Variants in EDEM1 observed in about 807,000 individuals in gnomAD.
The protein encoded by EDEM1 is ER degradation-enhancing alpha-mannosidase-like protein 1.
A neutral mutation model predicts 74.4 loss-of-function variants in EDEM1; 67 were observed. That is an observed-to-expected ratio of 0.90 (90% CI 0.74 to 1.10). EDEM1 has a LOEUF of 1.10. Ranked by LOEUF, EDEM1 falls within the 50% of genes least tolerant of loss-of-function variation. The pLI is 0.00. For missense variants in EDEM1, 926 were observed against 851.6 expected (o/e 1.09, Z -1.09); for synonymous variants, 382 against 335.9 (o/e 1.14, Z -1.50).
At position 5,188,012 on chromosome 3, in the gene EDEM1, G is replaced by T. The variant is rs1269446538; in HGVS notation, c.207G>T (p.Pro69=). 6 of 1,480,112 alleles carry T rather than the reference G, an allele frequency of 4.1e-6. No homozygotes were observed. Among genetic ancestry groups the T allele is most frequent in the Non-Finnish European group, 5.4e-6 (6 of 1,119,090 alleles). 91.7% of individuals were successfully genotyped at this position (1,480,112 alleles called of 1,614,324 possible). Residue 69 remains proline (P), a synonymous_variant, in exon 1 of 12, where the codon CCG becomes CCT. Coordinates refer to ENST00000256497, the MANE Select transcript of EDEM1 (RefSeq NM_014674.3). ...PVGRPGGVSG[P]SWLQPPGTGA... is the part of the protein sequence containing the mutation. ...GCCGGCCTGGGGGGGTATCCGGGCC[G>T]TCGTGGCTGCAGCCGCCGGGGACCG...
rs1420033512 is a variant in EDEM1 at position 5,218,111 on chromosome 3, C to T, written c.*2193C>T. The T allele has an allele frequency of 6.6e-6, 1 of 152,224 alleles. No homozygotes were observed. The highest frequency in any genetic ancestry group is 1.5e-5 in the Non-Finnish European group (1 of 68,064). The allele number at this position is 152,224 out of a possible 1,614,324, so 9.4% of individuals were successfully genotyped here. A position where few individuals can be genotyped will look rare whatever the true frequency, so the allele number is the denominator to read the frequency against. ...CATGCTTGCAAACTACACAATGCTG[C>T]AGGTGCTTCCCAGGGGCCACAGGCT... On this transcript the variant is annotated 3_prime_UTR_variant, in exon 12 of 12. Coordinates refer to ENST00000256497, the MANE Select transcript of EDEM1 (RefSeq NM_014674.3).
At position 5,210,251 on chromosome 3, in the gene EDEM1, CA is replaced by C. The variant is rs771609449; in HGVS notation, c.1583+4del. On this transcript the variant is annotated splice_donor_region_variant and intron_variant, in intron 9 of 11. Coordinates refer to ENST00000256497, the MANE Select transcript of EDEM1 (RefSeq NM_014674.3). Reference sequence around the variant, plus strand: ...CTGGAAAAGTACACAAAAGTCAAGTCAGTTTTCTAAGTTCCTACCTTTTTCT... The same window carrying C: ...CTGGAAAAGTACACAAAAGTCAAGTCGTTTTCTAAGTTCCTACCTTTTTCT... 8.1e-6 allele frequency: 13 copies of C among 1,613,344 alleles called. No homozygotes were observed.
rs1419134266 is a variant in EDEM1 at position 5,187,912 on chromosome 3, G to T, written c.107G>T (p.Arg36Leu). The T allele has an allele frequency of 6.3e-7, 1 of 1,597,234 alleles. No homozygotes were observed. The highest frequency in any genetic ancestry group is 1.7e-5 in the Admixed American group (1 of 58,332). The change falls in exon 1 of 12, where the codon CGC becomes CTC. Residue 36 changes from arginine to leucine, a missense_variant. Arg to Leu is a moderately radical substitution (Grantham distance 102). Coordinates refer to ENST00000256497, the MANE Select transcript of EDEM1 (RefSeq NM_014674.3). Reference sequence around the variant, plus strand: ...GGGCCCAGCATGGGCTTCTACCAGCGCTTTCCGCTCAGCTTCGGCTTCCAG... The same window carrying T: ...GGGCCCAGCATGGGCTTCTACCAGCTCTTTCCGCTCAGCTTCGGCTTCCAG... ...GLGPSMGFYQ[R>L]FPLSFGFQRL...
intron 6 of EDEM1, 33 bp from the exon 7 acceptor site, chr3:5,207,120 T>G: frequency 6.2e-7 from 1 of 1,611,900 alleles, no homozygotes; most frequent in Non-Finnish European, 8.5e-7. Flanking sequence ...TGAGCTTTCT[T>G]TTCACCACTG....
Position 5,194,285 on chromosome 3 carries a change from T to A in EDEM1, c.510-924T>A, listed in dbSNP as rs113217948. Among the ~76,000 whole-genome samples, 421 of 152,378 alleles carry A rather than the reference T, an allele frequency of 2.8e-3. 2 individuals carry two copies. Among genetic ancestry groups the A allele is most frequent in the African/African-American group, 9.7e-3 (403 of 41,594 alleles). ...TTATGTCTTCTCTTACTATCATTTT[T>A]TCCAAGCTTCTGCACTTATTTTCTG... On this transcript the variant is annotated intron_variant, in intron 1 of 11. Transcript: ENST00000256497.
intron 10 of EDEM1, 77 bp downstream of exon 10, chr3:5,211,293 A>G (rs1018326177): frequency 7.2e-7 from 1 of 1,383,618 alleles, no homozygotes; most frequent in South Asian, 1.2e-5. Context: ...TCCATCTGAC[A>G]GGTACTTACT....
intron 11 of EDEM1, among the ~76,000 whole-genome samples, chr3:5,214,245 A>G (rs1266091453): frequency 1.3e-5 from 2 of 152,184 alleles, no homozygotes; most frequent in African/African-American, 4.8e-5. Flanking sequence ...GGATAGGGAA[A>G]TGTAGGTCAG....
At chr3:5,197,064 CTTTT>C (rs34982467) in intron 2 of EDEM1, among the ~76,000 whole-genome samples, 8 of 115,638 alleles carry the variant, frequency 6.9e-5, no homozygotes, top group Non-Finnish European at 9.1e-5. Flanking sequence ...GAGTAGCTGG[CTTTT>C]TTTTTTTTTT....
rs542244374 is a variant in EDEM1 at position 5,192,737 on chromosome 3, G to GT, written c.510-2463dup. On this transcript the variant is annotated intron_variant, in intron 1 of 11. Transcript: ENST00000256497. ...TGTTAGGCCAGTAGAGTTTTATGGT[G>GT]TTTTTTTTTCTTCCTTCATCCTCAC... Among the ~76,000 whole-genome samples the GT allele has an allele frequency of 1.9e-4, 29 of 151,278 alleles. No individual in the cohort carries two copies. The East Asian group carries it at 4.3e-3, about 22-fold the overall frequency.
chr3:5,195,875 A>T (rs1351655409), intron 2 of EDEM1, among the ~76,000 whole-genome samples: 1 of 152,256 alleles, frequency 6.6e-6, no homozygotes, highest in African/African-American at 2.4e-5. Context: ...AGATATGCAG[A>T]AGCACCTTGA....
intron 2 of EDEM1, 78 bp from the exon 3 acceptor site, chr3:5,199,514 C>CCG: frequency 9.9e-7 from 1 of 1,013,524 alleles, no homozygotes. Context: ...ATTTAGGTGA[C>CCG]GTGACTGGGC....
At position 5,213,447 on chromosome 3, in the gene EDEM1, A is replaced by G. The variant is rs773790240; in HGVS notation, c.1809A>G (p.Gly603=). 6.2e-7 allele frequency: 1 copy of G among 1,614,186 alleles called. No homozygotes were observed. The highest frequency in any genetic ancestry group is 8.5e-7 in the Non-Finnish European group (1 of 1,180,030). ...LPWKEFFSEE[G]GQDQGGKSVH... The stretch of plus-strand genomic sequence containing the variant: ...GGAAGGAATTCTTCTCTGAAGAGGG[A>G]GGGCAGGACCAAGGGGGAAAGTCTG... The change falls in exon 11 of 12, where the codon GGA becomes GGG. Residue 603 remains glycine, a synonymous_variant. Coordinates refer to ENST00000256497, the MANE Select transcript of EDEM1 (RefSeq NM_014674.3).
rs2054848360 is a variant in EDEM1 at position 5,188,052 on chromosome 3, C to A, written c.247C>A (p.Pro83Thr). 2 of 1,433,614 alleles carry A rather than the reference C, an allele frequency of 1.4e-6. No individual in the cohort carries two copies. Among genetic ancestry groups the A allele is most frequent in the Non-Finnish European group, 1.8e-6 (2 of 1,096,058 alleles). The allele number at this position is 1,433,614 out of a possible 1,614,324, so 88.8% of individuals were successfully genotyped here. ...GCCGGGGACCGGGGCAGCGCAGAGC[C>A]CGCGCAAGGCTCCGCGGCGTCCTGG... The part of the protein sequence containing the change: ...QPPGTGAAQS[P>T]RKAPRRPGPG... The change falls in exon 1 of 12, where the codon CCG becomes ACG. Residue 83 changes from proline (P) to threonine (T), a missense_variant. By Grantham distance (38) the Pro-to-Thr change is conservative. Coordinates refer to ENST00000256497, the MANE Select transcript of EDEM1 (RefSeq NM_014674.3).
intron 7 of EDEM1, 144 bp downstream of exon 7, chr3:5,207,417 T>C (rs2055112138): frequency 8.3e-7 from 1 of 1,206,352 alleles, no homozygotes; most frequent in Admixed American, 2.4e-5. Context: ...CATCTCTCTG[T>C]TTGAGAAATT....
At position 5,188,208 on chromosome 3, in the gene EDEM1, C is replaced by G; in HGVS notation, c.403C>G (p.Arg135Gly). 1 of 1,582,878 alleles carries G rather than the reference C, an allele frequency of 6.3e-7. No homozygotes were observed. Residue 135 changes from arginine to glycine, a missense_variant, in exon 1 of 12, where the codon CGG (arginine) becomes GGG (glycine). Coordinates refer to ENST00000256497, the MANE Select transcript of EDEM1 (RefSeq NM_014674.3). ...QLRAQMRDLA[R>G]GMFVFGYDNY... ...GCGTGCCCAGATGCGCGACCTGGCA[C>G]GGGGCATGTTCGTCTTTGGCTACGA...
intron 2 of EDEM1, among the ~76,000 whole-genome samples, chr3:5,199,235 T>C (rs2055006323): frequency 6.6e-6 from 1 of 152,268 alleles, no homozygotes; most frequent in Non-Finnish European, 1.5e-5. Flanking sequence ...AGTTTTCTGA[T>C]TTATTTGTAT....
chr3:5,200,898 AT>A (rs376272520), intron 3 of EDEM1, among the ~76,000 whole-genome samples: 1 of 148,394 alleles, frequency 6.7e-6, no homozygotes, highest in African/African-American at 2.5e-5. Context: ...ATTAAATTAA[AT>A]TTTTTTTTTC....
chr3:5,187,722 C>A lies in EDEM1; in HGVS notation c.-84C>A, dbSNP rs771727496. On this transcript the variant is annotated 5_prime_UTR_variant, in exon 1 of 12. Coordinates refer to ENST00000256497, the MANE Select transcript of EDEM1 (RefSeq NM_014674.3). ...GGAGTTCCTTAAAGGGGAAGCGAGCCGGGCTACGGGGCGAGCGCGGGGTGC... is the reference window on the plus strand; with the variant it reads ...GGAGTTCCTTAAAGGGGAAGCGAGCAGGGCTACGGGGCGAGCGCGGGGTGC... 2 of 1,401,496 alleles carry A rather than the reference C, an allele frequency of 1.4e-6. No individual in the cohort carries two copies. Among genetic ancestry groups the A allele is most frequent in the Admixed American group, 5.9e-5 (2 of 33,830 alleles). The allele number at this position is 1,401,496 out of a possible 1,614,324, so 86.8% of individuals were successfully genotyped here.
In EDEM1 at chr3:5,214,198, G is replaced by T. The variant is rs2055202866; in HGVS notation, c.1884+676G>T. Among the ~76,000 whole-genome samples, 2 of 152,206 alleles carry T rather than the reference G, an allele frequency of 1.3e-5. 1 individual carries two copies. The highest frequency in any genetic ancestry group is 4.1e-4 in the South Asian group (2 of 4,828). ...TCCCTAGTGAAAGTATCAGGTAGTT[G>T]TGTTGATTTGAATCAAATAGGATGA... is the stretch of plus-strand genomic sequence containing the variant. On this transcript the variant is annotated intron_variant, in intron 11 of 11. Coordinates refer to ENST00000256497, the MANE Select transcript of EDEM1 (RefSeq NM_014674.3).
Sources: gnomAD v4.1 joint callset for allele counts (sites outside exome capture counted in the v4.1 genomes callset) on GRCh38, gnomAD v4.1.1 for gene constraint, MANE v1.5 for transcripts, NCBI Gene and HGNC (gene_info 2026-07-23, HGNC 2026-07-21) for gene names.